Variants in CPS1 observed in about 807,000 individuals in gnomAD.
CPS1 encodes the protein carbamoyl-phosphate synthase 1.
CPS1 carries 109 observed loss-of-function variants against 174.6 expected under a neutral mutation model. The ratio of observed to expected loss-of-function variants is 0.62; its 90% CI spans 0.53 to 0.73. The LOEUF (loss-of-function observed/expected upper bound fraction) is 0.73. Ranked by LOEUF, CPS1 falls within the 30% of genes least tolerant of loss-of-function variation. CPS1 has a pLI of 0.00. For synonymous variants in CPS1, 637 were observed against 632.0 expected, an observed-to-expected ratio of 1.01 and a Z score of -0.12; for missense variants, 1,689 against 1,821.9, an observed-to-expected ratio of 0.93 and a Z score of 1.33.
Position 210,576,343 on chromosome 2 carries a change from C to T in CPS1, c.237-3C>T. ...CTGATAATTTTTTGGCATGTTTACCCAGGTACCCAGAAGCTATTACTGACC... is the reference window on the plus strand; with the variant it reads ...CTGATAATTTTTTGGCATGTTTACCTAGGTACCCAGAAGCTATTACTGACC... On this transcript the variant is annotated splice_polypyrimidine_tract_variant and splice_region_variant and intron_variant, in intron 2 of 37. Transcript: ENST00000233072. 6.2e-7 allele frequency: 1 copy of T among 1,613,460 alleles called. No individual in the cohort carries two copies.
chr2:210,480,613 A>G (rs1229461754), intron 1 of CPS1, among the ~76,000 whole-genome samples: 1 of 152,080 alleles, frequency 6.6e-6, no homozygotes, highest in Admixed American at 6.5e-5. Flanking sequence ...GAGACTCCAT[A>G]TCCTATATTT....
chr2:210,479,027 C>G (rs541084703), intron 1 of CPS1, among the ~76,000 whole-genome samples: 2 of 151,248 alleles, frequency 1.3e-5, no homozygotes, highest in South Asian at 4.2e-4. Flanking sequence ...GGTTCTGATA[C>G]AAAAGAAAAG....
intron 33 of CPS1, among the ~76,000 whole-genome samples, chr2:210,664,206 T>G (rs1701015715): frequency 6.6e-6 from 1 of 152,174 alleles, no homozygotes; most frequent in Non-Finnish European, 1.5e-5. Flanking sequence ...TCATCTCCAG[T>G]CGGTTTAAGG....
chr2:210,484,298 G>C (rs562283573), intron 1 of CPS1, among the ~76,000 whole-genome samples: 1 of 152,238 alleles, frequency 6.6e-6, no homozygotes, highest in South Asian at 2.1e-4. Context: ...TAAATGCCAG[G>C]AGCCCAGCTG....
chr2:210,609,887 C>T (rs962214641), intron 19 of CPS1, among the ~76,000 whole-genome samples: 21 of 151,924 alleles, frequency 1.4e-4, no homozygotes, highest in African/African-American at 4.8e-4. Context: ...AAATGCTTTA[C>T]TGGTCTATCA....
chr2:210,546,178 A>G (rs1299386286), intron 1 of CPS1, among the ~76,000 whole-genome samples: 1 of 152,086 alleles, frequency 6.6e-6, no homozygotes, highest in East Asian at 1.9e-4. Flanking sequence ...ATCTAGCACC[A>G]TGCTTGGCAT....
chr2:210,576,760 G>A (rs1697725368), intron 3 of CPS1, among the ~76,000 whole-genome samples: 1 of 152,072 alleles, frequency 6.6e-6, no homozygotes. Flanking sequence ...TAACAACTAT[G>A]CTATAAAAGG....
chr2:210,575,316 T>A (rs181225516), intron 2 of CPS1, among the ~76,000 whole-genome samples: 2 of 152,150 alleles, frequency 1.3e-5, no homozygotes, highest in East Asian at 3.9e-4. Context: ...CTTTCAGTTG[T>A]AATCCACAAA....
intron 29 of CPS1, among the ~76,000 whole-genome samples, chr2:210,655,584 T>C (rs1423699220): frequency 6.6e-6 from 1 of 152,196 alleles, no homozygotes; most frequent in Non-Finnish European, 1.5e-5. Flanking sequence ...TATTATTTTA[T>C]AAATAAGCTC....
At chr2:210,577,353 A>T (rs1232366631) in intron 3 of CPS1, 68 bp from the exon 4 acceptor site, 1 of 1,255,446 alleles carries the variant, frequency 8.0e-7, no homozygotes, top group Non-Finnish European at 1.2e-6. Context: ...AAACAAATGC[A>T]AATTGACTCA....
chr2:210,483,351 C>T (rs954977251), intron 1 of CPS1, among the ~76,000 whole-genome samples: 2 of 152,086 alleles, frequency 1.3e-5, no homozygotes, highest in Non-Finnish European at 2.9e-5. Flanking sequence ...GTACTTTACT[C>T]GAACTATTTC....
At chr2:210,627,538 T>A (rs1013094609) in intron 21 of CPS1, among the ~76,000 whole-genome samples, 9 of 152,190 alleles carry the variant, frequency 5.9e-5, no homozygotes, top group African/African-American at 2.2e-4. Context: ...ATACTTGAGA[T>A]GCCTTTATGG....
intron 25 of CPS1, among the ~76,000 whole-genome samples, chr2:210,645,056 G>T (rs1410451391): frequency 6.6e-6 from 1 of 152,186 alleles, no homozygotes; most frequent in Non-Finnish European, 1.5e-5. Flanking sequence ...TGGGTTACCA[G>T]GTTCTCATCC....
intron 1 of CPS1, among the ~76,000 whole-genome samples, chr2:210,527,796 G>A (rs1487047323): frequency 1.3e-5 from 2 of 151,654 alleles, no homozygotes; most frequent in East Asian, 1.9e-4. Flanking sequence ...GATTAAAAAA[G>A]GCTGAAAAAT....
chr2:210,610,709 G>A (rs1232229116), intron 19 of CPS1, among the ~76,000 whole-genome samples: 2 of 151,808 alleles, frequency 1.3e-5, no homozygotes, highest in African/African-American at 2.4e-5. Flanking sequence ...GAGCCCTATA[G>A]TGCCGCTACA....
Position 210,602,282 on chromosome 2 carries a change from C to G in CPS1, c.1788C>G (p.Gly596=), listed in dbSNP as rs1310513734. 6.2e-7 allele frequency: 1 copy of G among 1,612,494 alleles called. No homozygotes were observed. The highest frequency in any genetic ancestry group is 1.7e-5 in the Admixed American group (1 of 59,830). Residue 596 remains glycine (G), a synonymous_variant, in exon 16 of 38, where the codon GGC becomes GGG. Transcript: ENST00000233072. ...IRSAYALGGL[G]SGICPNRETL... is the part of the protein sequence containing the mutation. ...CCGCCTATGCACTGGGTGGGTTAGG[C>G]TCAGGCATCTGTCCCAACAGAGAGA... is the stretch of plus-strand genomic sequence containing the variant.
intron 13 of CPS1, 48 bp from the exon 14 acceptor site, chr2:210,599,324 C>A (rs774508498): frequency 2.1e-5 from 33 of 1,562,790 alleles, no homozygotes; most frequent in Admixed American, 3.4e-5. Context: ...TGGTCATTCT[C>A]TTCTTTAGAC....
At chr2:210,604,666 A>G (rs950612038) in intron 16 of CPS1, among the ~76,000 whole-genome samples, 1 of 151,896 alleles carries the variant, frequency 6.6e-6, no homozygotes, top group Non-Finnish European at 1.5e-5. Context: ...ACTAACTTTT[A>G]TTGTGTGTGT....
At chr2:210,481,955 C>T (rs1694580246) in intron 1 of CPS1, among the ~76,000 whole-genome samples, 1 of 152,222 alleles carries the variant, frequency 6.6e-6, no homozygotes, top group Non-Finnish European at 1.5e-5. Flanking sequence ...TGGCAACAGC[C>T]AGGGCTGCAG....
Sources: gnomAD v4.1 joint callset for allele counts (sites outside exome capture counted in the v4.1 genomes callset) on GRCh38, gnomAD v4.1.1 for gene constraint, MANE v1.5 for transcripts, NCBI Gene and HGNC (gene_info 2026-07-23, HGNC 2026-07-21) for gene names.